DNAJC1: variants seen among roughly 807,000 people sequenced by gnomAD.
The protein encoded by DNAJC1 is DnaJ heat shock protein family (Hsp40) member C1, also known as dnaJ homolog subfamily C member 1.
Under a neutral mutation model 76.6 loss-of-function variants are expected in DNAJC1, and 58 were observed. That is an observed-to-expected ratio of 0.76 (90% CI 0.61 to 0.94). DNAJC1 has a LOEUF of 0.94. Ranked by LOEUF, DNAJC1 falls within the 40% of genes least tolerant of loss-of-function variation. The pLI, the probability that DNAJC1 is intolerant of heterozygous loss-of-function variation, is 0.00. For synonymous variants in DNAJC1, 258 were observed against 267.9 expected, an observed-to-expected ratio of 0.96 and a Z score of 0.36; for missense variants, 689 against 677.3, an observed-to-expected ratio of 1.02 and a Z score of -0.19.
At chr10:21,890,407 C>T (rs1836442685) in intron 7 of DNAJC1, among the ~76,000 whole-genome samples, 1 of 141,974 alleles carries the variant, frequency 7.0e-6, no homozygotes, top group Middle Eastern at 3.3e-3. Flanking sequence ...AGTGAGACTC[C>T]ATATCCCCCC....
chr10:21,848,116 C>A (rs1835690279), intron 8 of DNAJC1, among the ~76,000 whole-genome samples: 1 of 152,158 alleles, frequency 6.6e-6, no homozygotes, highest in Admixed American at 6.5e-5. Flanking sequence ...TCCTTGCCAA[C>A]ACTTGTTGTT....
intron 1 of DNAJC1, among the ~76,000 whole-genome samples, chr10:21,961,852 T>C (rs1294466159): frequency 6.6e-6 from 1 of 152,316 alleles, no homozygotes; most frequent in Non-Finnish European, 1.5e-5. Flanking sequence ...ATTATCTCTC[T>C]GAACTCATAT....
At chr10:21,877,782 A>G (rs1372232613) in intron 8 of DNAJC1, among the ~76,000 whole-genome samples, 1 of 152,210 alleles carries the variant, frequency 6.6e-6, no homozygotes, top group Non-Finnish European at 1.5e-5. Context: ...AACAATATGG[A>G]GGTTGGGGCG....
rs112098089 is a variant in DNAJC1 at position 21,794,012 on chromosome 10, C to T, written c.1098+11968G>A. Among the ~76,000 whole-genome samples the T allele has an allele frequency of 9.2e-4, 140 of 152,114 alleles. 1 individual carries two copies. The highest frequency in any genetic ancestry group is 1.5e-3 in the Non-Finnish European group (104 of 67,980). ...AATTCTGGCAGGGCAAGGTGGCTCA[C>T]GCCTGTAATCCCAACACTTTGGGAG... On this transcript the variant is annotated intron_variant, in intron 9 of 11. Transcript: ENST00000376980.
At chr10:21,790,511 C>A (rs201980876) in intron 9 of DNAJC1, among the ~76,000 whole-genome samples, 32 of 141,630 alleles carry the variant, frequency 2.3e-4, no homozygotes, top group African/African-American at 3.1e-4. Flanking sequence ...AATAAATTGC[C>A]AAAAAAAAAA....
At chr10:21,930,756 G>T (rs1294752958) in intron 1 of DNAJC1, among the ~76,000 whole-genome samples, 1 of 152,050 alleles carries the variant, frequency 6.6e-6, no homozygotes, top group African/African-American at 2.4e-5. Flanking sequence ...CAGATAATGT[G>T]GTAGAAATAA....
At chr10:21,919,977 C>T (rs1394966805) in intron 4 of DNAJC1, 48 bp from the exon 5 acceptor site, 1 of 1,194,642 alleles carries the variant, frequency 8.4e-7, no homozygotes, top group Non-Finnish European at 1.2e-6. Flanking sequence ...AACATGTACA[C>T]TTCAAATGTT....
chr10:21,816,428 CTGGG>C (rs1183965613), intron 8 of DNAJC1, among the ~76,000 whole-genome samples: 5 of 151,464 alleles, frequency 3.3e-5, no homozygotes, highest in Non-Finnish European at 7.4e-5. Flanking sequence ...AATTGACCAG[CTGGG>C]TGCAGTGGCT....
At chr10:21,890,766 A>AT (rs1836448512) in intron 7 of DNAJC1, among the ~76,000 whole-genome samples, 1 of 152,222 alleles carries the variant, frequency 6.6e-6, no homozygotes, top group African/African-American at 2.4e-5. Flanking sequence ...GAAGACTTAA[A>AT]TAAGGTCCAA....
At chr10:21,868,128 CT>C (rs200727543) in intron 8 of DNAJC1, among the ~76,000 whole-genome samples, 49 of 123,472 alleles carry the variant, frequency 4.0e-4, no homozygotes, top group African/African-American at 9.5e-4. Context: ...TGAAAATATT[CT>C]TTTTTTTTTT....
At chr10:21,987,874 T>G (rs1838271360) in intron 1 of DNAJC1, among the ~76,000 whole-genome samples, 1 of 152,152 alleles carries the variant, frequency 6.6e-6, no homozygotes, top group Admixed American at 6.5e-5. Flanking sequence ...ACTCTTCTCA[T>G]TAGCCCATGT....
At chr10:21,811,171 C>G (rs1589989950) in intron 8 of DNAJC1, among the ~76,000 whole-genome samples, 1 of 152,298 alleles carries the variant, frequency 6.6e-6, no homozygotes, top group African/African-American at 2.4e-5. Flanking sequence ...GGGTGACCCA[C>G]CGCCTTACAC....
intron 8 of DNAJC1, among the ~76,000 whole-genome samples, chr10:21,815,007 G>C (rs1433412410): frequency 6.6e-6 from 1 of 152,184 alleles, no homozygotes; most frequent in Admixed American, 6.5e-5. Context: ...CTGCTAGCTT[G>C]AGTCAGGCAG....
At chr10:21,780,845 A>C (rs1478626819) in intron 9 of DNAJC1, among the ~76,000 whole-genome samples, 1 of 152,232 alleles carries the variant, frequency 6.6e-6, no homozygotes, top group Non-Finnish European at 1.5e-5. Flanking sequence ...TGTATTCAGG[A>C]GACCCATCTC....
At chr10:21,956,548 CACAT>C (rs916706581) in intron 1 of DNAJC1, among the ~76,000 whole-genome samples, 7 of 150,834 alleles carry the variant, frequency 4.6e-5, no homozygotes, top group African/African-American at 1.7e-4. Flanking sequence ...CACATAAATA[CACAT>C]ACATATATAA....
intron 8 of DNAJC1, among the ~76,000 whole-genome samples, chr10:21,825,985 C>T (rs1436747052): frequency 6.6e-6 from 1 of 151,990 alleles, no homozygotes; most frequent in Non-Finnish European, 1.5e-5. Flanking sequence ...GCCTGTAATC[C>T]CAACACTTTG....
intron 9 of DNAJC1, among the ~76,000 whole-genome samples, chr10:21,769,569 C>A (rs1021743160): frequency 1.3e-5 from 2 of 152,190 alleles, no homozygotes; most frequent in Non-Finnish European, 2.9e-5. Context: ...AGAAACAAGC[C>A]AAGTGCTCTT....
intron 1 of DNAJC1, among the ~76,000 whole-genome samples, chr10:21,968,612 G>C (rs528113353): frequency 6.6e-6 from 1 of 151,400 alleles, no homozygotes; most frequent in Non-Finnish European, 1.5e-5. Context: ...CCAGGTTCAC[G>C]CCATTCTCCT....
At position 21,759,510 on chromosome 10, in the gene DNAJC1, C is replaced by T. The variant is rs759004188; in HGVS notation, c.1256G>A (p.Gly419Glu). The T allele has an allele frequency of 9.9e-6, 16 of 1,614,084 alleles. No homozygotes were observed. The Admixed American group carries it at 2.7e-4, about 27-fold the overall frequency. ...CTCCTGCTCCTCCTCCGCTGCCACC[C>T]CCTCTGCGTCCTCTCGCTGGGTGAT... ...DMITQREDAE[G>E]VAAEEEQEGD... is the part of the protein sequence containing the mutation. Residue 419 changes from glycine (G) to glutamate (E), a missense_variant, in exon 11 of 12, where the codon GGG (glycine) becomes GAG (glutamate). Gly to Glu is a moderately conservative substitution (Grantham distance 98). Coordinates refer to ENST00000376980, the MANE Select transcript of DNAJC1 (RefSeq NM_022365.4).
Sources: allele counts gnomAD v4.1 joint callset (sites outside exome capture counted in the v4.1 genomes callset), GRCh38; gene constraint gnomAD v4.1.1; transcripts MANE v1.5; gene names NCBI Gene and HGNC (gene_info 2026-07-23, HGNC 2026-07-21).